Variants in MYH11 observed in about 807,000 individuals in gnomAD.
The protein encoded by MYH11 is myosin-11.
A neutral mutation model predicts 246.6 loss-of-function variants in MYH11; 80 were observed. That is an observed-to-expected ratio of 0.32 (90% CI 0.27 to 0.39). MYH11 has a LOEUF of 0.39. Among genes scored for constraint, MYH11 ranks in the 10% least tolerant of loss-of-function variants. The pLI, the probability that MYH11 is intolerant of heterozygous loss-of-function variation, is 1.00. For missense variants in MYH11, 2,158 were observed against 2,546.8 expected, an observed-to-expected ratio of 0.85 and a Z score of 3.29; for synonymous variants, 1,071 against 1,015.5, an observed-to-expected ratio of 1.05 and a Z score of -1.04.
rs113154513 is a variant in MYH11 at position 15,739,598 on chromosome 16, G to A, written c.2997+453C>T. Among the ~76,000 whole-genome samples, 663 of 152,284 alleles carry A rather than the reference G, an allele frequency of 4.4e-3. 4 individuals carry two copies. The highest frequency in any genetic ancestry group is 0.015 in the African/African-American group (624 of 41,564). ...ATCCAGCTCAAAGAACTAAAAGCAG[G>A]TGGGGCTGGTTAGTGACTACTGACT... On this transcript the variant is annotated intron_variant, in intron 23 of 40. Transcript: ENST00000300036.
At chr16:15,708,905 T>C (rs2039621007) in intron 40 of MYH11, 1 of 1,455,854 alleles carries the variant, frequency 6.9e-7, no homozygotes, top group Non-Finnish European at 9.5e-7. Context: ...CGGTTAAGTA[T>C]ATTCTTAATT....
intron 3 of MYH11, among the ~76,000 whole-genome samples, chr16:15,804,438 C>T (rs2042963177): frequency 6.6e-6 from 1 of 152,082 alleles, no homozygotes; most frequent in Admixed American, 6.6e-5. Flanking sequence ...AGGAGAATCG[C>T]GTGAACCAGG....
chr16:15,845,431 T>C (rs2044161874), intron 1 of MYH11, among the ~76,000 whole-genome samples: 1 of 152,098 alleles, frequency 6.6e-6, no homozygotes, highest in African/African-American at 2.4e-5. Flanking sequence ...CTACACCAAG[T>C]ACCTTCTGTT....
At chr16:15,824,000 G>A (rs997225243) in intron 2 of MYH11, among the ~76,000 whole-genome samples, 7 of 152,000 alleles carry the variant, frequency 4.6e-5, no homozygotes, top group East Asian at 1.9e-4. Flanking sequence ...TTACCTCCCC[G>A]GACCTCACTG....
At chr16:15,720,024 C>A (rs1449727865) in intron 34 of MYH11, 127 bp downstream of exon 34, 8 of 1,336,388 alleles carry the variant, frequency 6.0e-6, no homozygotes, top group Non-Finnish European at 8.5e-6. Flanking sequence ...TCCAGAAAAA[C>A]CCCAGCTGAA....
At chr16:15,782,670 C>G in intron 5 of MYH11, 193 bp from the exon 6 acceptor site, 1 of 587,098 alleles carries the variant, frequency 1.7e-6, no homozygotes, top group Non-Finnish European at 3.1e-6. Flanking sequence ...TCTGAGCTCT[C>G]TAATAGCTAG....
At chr16:15,782,711 T>C in intron 5 of MYH11, 1 of 519,606 alleles carries the variant, frequency 1.9e-6, no homozygotes, top group Non-Finnish European at 3.5e-6. Context: ...GTCACTTTTT[T>C]CAAGACCAGG....
intron 1 of MYH11, among the ~76,000 whole-genome samples, chr16:15,845,327 T>A (rs2044158507): frequency 6.8e-6 from 1 of 148,132 alleles, no homozygotes; most frequent in Non-Finnish European, 1.5e-5. Flanking sequence ...GCTCATCAGC[T>A]ATCATTAGTG....
intron 27 of MYH11, among the ~76,000 whole-genome samples, chr16:15,727,710 A>C (rs1237023504): frequency 6.6e-6 from 1 of 152,234 alleles, no homozygotes; most frequent in Non-Finnish European, 1.5e-5. Flanking sequence ...ATGGCAGCTC[A>C]TACTTGTCAT....
intron 9 of MYH11, among the ~76,000 whole-genome samples, chr16:15,769,584 C>T (rs2042054277): frequency 6.6e-6 from 1 of 151,990 alleles, no homozygotes; most frequent in Non-Finnish European, 1.5e-5. Flanking sequence ...TGCACCACCA[C>T]ACCCAGTTAA....
intron 1 of MYH11, among the ~76,000 whole-genome samples, chr16:15,853,210 A>G (rs994018720): frequency 1.3e-5 from 2 of 152,038 alleles, no homozygotes; most frequent in African/African-American, 4.8e-5. Flanking sequence ...CAGTGATGCA[A>G]TCAGGGCCCA....
chr16:15,802,918 C>T (rs2042920527), intron 3 of MYH11, among the ~76,000 whole-genome samples: 1 of 152,086 alleles, frequency 6.6e-6, no homozygotes, highest in African/African-American at 2.4e-5. Flanking sequence ...GGGTGGATCA[C>T]CTGAGGTCAG....
Position 15,732,474 on chromosome 16 carries a change from T to A in MYH11, c.3651+90A>T. 4 of 1,571,958 alleles carry A rather than the reference T, an allele frequency of 2.5e-6. No homozygotes were observed. In the South Asian group the frequency reaches 4.4e-5, roughly 17 times the overall value. On this transcript the variant is annotated intron_variant, in intron 27 of 40. Transcript: ENST00000300036. ...AGAATCTTATGTAACTTGTTTTTTG[T>A]CTTTATGCAGACCCTGACCTGTAGT...
chr16:15,760,408 G>A, intron 11 of MYH11, 132 bp downstream of exon 11: 1 of 792,334 alleles, frequency 1.3e-6, no homozygotes, highest in Non-Finnish European at 2.3e-6. Context: ...AAAGATGGAT[G>A]GATGGACAGA....
At chr16:15,760,762 C>T in intron 10 of MYH11, 104 bp from the exon 11 acceptor site, 1 of 878,132 alleles carries the variant, frequency 1.1e-6, no homozygotes. Flanking sequence ...AGCGGGTTCT[C>T]TTGGGGAAAT....
Position 15,741,820 on chromosome 16 carries a change from G to C in MYH11, c.2592C>G (p.Thr864=). The change falls in exon 21 of 41, where the codon ACC becomes ACG. Residue 864 remains threonine (T), a synonymous_variant. Transcript: ENST00000300036. ...TCTCTGCCTTCTGCTGCCGCTCCTT[G>C]GTCTTCTGCAGTTCATCCTCCTTGG... ...MQAKEDELQK[T]KERQQKAENE... The C allele has an allele frequency of 1.2e-6, 2 of 1,614,170 alleles. No individual in the cohort carries two copies. The highest frequency in any genetic ancestry group is 1.7e-6 in the Non-Finnish European group (2 of 1,180,042).
intron 15 of MYH11, among the ~76,000 whole-genome samples, chr16:15,752,819 C>T (rs568776021): frequency 2.0e-5 from 3 of 152,174 alleles, no homozygotes; most frequent in East Asian, 1.9e-4. Flanking sequence ...GTGGAGGCTG[C>T]AGTGAGCCAA....
chr16:15,724,849 AC>A (rs1403192144), intron 29 of MYH11, 38 bp downstream of exon 29: 4 of 1,613,296 alleles, frequency 2.5e-6, no homozygotes, highest in African/African-American at 1.3e-5. Context: ...GAGGAAGGCC[AC>A]CCCCCAGGTC....
chr16:15,757,816 G>A lies in MYH11; in HGVS notation c.1575+11C>T, dbSNP rs751478937. The A allele has an allele frequency of 3.7e-6, 6 of 1,614,176 alleles. No homozygotes were observed. The highest frequency in any genetic ancestry group is 1.7e-5 in the Admixed American group (1 of 60,022). The stretch of plus-strand genomic sequence containing the variant: ...GTGTGACGGAGCCCCGCACGCCCAC[G>A]TGCCCCTCACCGGTCGCTCGATGAG... On this transcript the variant is annotated intron_variant, in intron 13 of 40. Transcript: ENST00000300036.
Sources: allele counts gnomAD v4.1 joint callset (sites outside exome capture counted in the v4.1 genomes callset), GRCh38; gene constraint gnomAD v4.1.1; transcripts MANE v1.5; gene names NCBI Gene and HGNC (gene_info 2026-07-23, HGNC 2026-07-21).